MSRA: variants seen among roughly 807,000 people sequenced by gnomAD.
MSRA encodes mitochondrial peptide methionine sulfoxide reductase.
In MSRA, 54 loss-of-function variants were observed where a neutral mutation model predicts 31.3. The ratio of observed to expected loss-of-function variants is 1.73; its 90% CI spans 1.39 to 2.17. The LOEUF (loss-of-function observed/expected upper bound fraction) is 2.17. MSRA is among the 30% of genes most tolerant of loss of function. The pLI is 0.00. For synonymous variants in MSRA, 169 were observed against 116.5 expected, an observed-to-expected ratio of 1.45 and a Z score of -2.90; for missense variants, 507 against 300.9, an observed-to-expected ratio of 1.69 and a Z score of -5.07.
intron 3 of MSRA, among the ~76,000 whole-genome samples, chr8:10,256,315 G>C (rs972382669): frequency 2.0e-5 from 3 of 152,004 alleles, no homozygotes; most frequent in Non-Finnish European, 4.4e-5. Flanking sequence ...TTTCTTTTTA[G>C]CACTGAATAA....
intron 2 of MSRA, among the ~76,000 whole-genome samples, chr8:10,240,294 T>G (rs1365142382): frequency 2.0e-5 from 3 of 152,168 alleles, no homozygotes; most frequent in Admixed American, 2.0e-4. Flanking sequence ...TTTGGACATT[T>G]GGTGGTGGCA....
intron 5 of MSRA, among the ~76,000 whole-genome samples, chr8:10,327,006 G>A (rs1802400120): frequency 6.6e-6 from 1 of 152,088 alleles, no homozygotes; most frequent in Non-Finnish European, 1.5e-5. Flanking sequence ...CATTCTCCTG[G>A]CCATATGACC....
chr8:10,152,246 CATAT>C (rs1803748495), intron 1 of MSRA, among the ~76,000 whole-genome samples: 1 of 152,114 alleles, frequency 6.6e-6, no homozygotes, highest in Non-Finnish European at 1.5e-5. Context: ...TATCTAAAAA[CATAT>C]ATAAACACAT....
chr8:10,170,132 C>G (rs1477972301), intron 1 of MSRA, among the ~76,000 whole-genome samples: 2 of 150,808 alleles, frequency 1.3e-5, no homozygotes, highest in Non-Finnish European at 3.0e-5. Context: ...GTGATCTGCC[C>G]ACTTTGGCCT....
intron 1 of MSRA, among the ~76,000 whole-genome samples, chr8:10,099,960 T>C (rs2128932250): frequency 6.6e-6 from 1 of 152,182 alleles, no homozygotes; most frequent in East Asian, 1.9e-4. Context: ...GAGTTTAAAG[T>C]GTTTCTTTTG....
chr8:10,375,627 T>C (rs1044879517), intron 5 of MSRA, among the ~76,000 whole-genome samples: 1 of 152,154 alleles, frequency 6.6e-6, no homozygotes, highest in African/African-American at 2.4e-5. Flanking sequence ...TTCCTGGGCA[T>C]TGGCTTGTCC....
chr8:10,313,595 T>A (rs930157869), intron 4 of MSRA, among the ~76,000 whole-genome samples: 5 of 152,194 alleles, frequency 3.3e-5, no homozygotes, highest in African/African-American at 1.2e-4. Flanking sequence ...CTCCAAATTG[T>A]TTTATGAATT....
At chr8:10,411,161 C>T (rs192855026) in intron 5 of MSRA, 1 of 152,164 alleles carries the variant, frequency 6.6e-6, no homozygotes. Flanking sequence ...GGCCAGAGTC[C>T]TCCGAAGACG....
At chr8:10,374,740 G>A (rs1221015049) in intron 5 of MSRA, among the ~76,000 whole-genome samples, 8 of 152,290 alleles carry the variant, frequency 5.3e-5, no homozygotes, top group South Asian at 2.1e-4. Context: ...GGATTGACTT[G>A]TTGGATATGG....
chr8:10,209,841 T>G (rs186991551), intron 2 of MSRA, among the ~76,000 whole-genome samples: 1 of 152,336 alleles, frequency 6.6e-6, no homozygotes, highest in Non-Finnish European at 1.5e-5. Context: ...ATGAATCATG[T>G]GCATAATTTC....
intron 3 of MSRA, among the ~76,000 whole-genome samples, chr8:10,270,107 G>A (rs1055492019): frequency 6.6e-6 from 1 of 152,212 alleles, no homozygotes; most frequent in South Asian, 2.1e-4. Flanking sequence ...ATGTTTTCTT[G>A]TATGAACTGA....
chr8:10,142,438 G>T (rs1802797775), intron 1 of MSRA, among the ~76,000 whole-genome samples: 1 of 152,210 alleles, frequency 6.6e-6, no homozygotes, highest in Non-Finnish European at 1.5e-5. Context: ...TCCGTGTTCT[G>T]TCCTCTAGGC....
At chr8:10,144,000 G>A (rs1802925267) in intron 1 of MSRA, among the ~76,000 whole-genome samples, 2 of 152,268 alleles carry the variant, frequency 1.3e-5, no homozygotes, top group East Asian at 1.9e-4. Context: ...GAATCACAGA[G>A]CCTCGTGAGG....
At chr8:10,289,777 A>G (rs1800133724) in intron 3 of MSRA, among the ~76,000 whole-genome samples, 1 of 152,204 alleles carries the variant, frequency 6.6e-6, no homozygotes, top group Non-Finnish European at 1.5e-5. Context: ...ACGCTTGACA[A>G]CTTACCCAGA....
intron 1 of MSRA, among the ~76,000 whole-genome samples, chr8:10,189,374 C>T (rs1313299186): frequency 6.6e-6 from 1 of 152,114 alleles, no homozygotes; most frequent in Non-Finnish European, 1.5e-5. Flanking sequence ...TAGGACCTCA[C>T]TACAATGTCA....
chr8:10,055,496 C>A (rs560798974), intron 1 of MSRA, among the ~76,000 whole-genome samples: 3 of 152,220 alleles, frequency 2.0e-5, no homozygotes, highest in Non-Finnish European at 4.4e-5. Flanking sequence ...CCCCACCTGC[C>A]GCAGCAGCAG....
chr8:10,219,781 G>A (rs1056670419), intron 2 of MSRA, among the ~76,000 whole-genome samples: 10 of 115,398 alleles, frequency 8.7e-5, no homozygotes, highest in African/African-American at 3.5e-4. Context: ...ACTTCAGCCT[G>A]GACGACAGAT....
chr8:10,125,294 G>C (rs1323529389), intron 1 of MSRA, among the ~76,000 whole-genome samples: 1 of 152,196 alleles, frequency 6.6e-6, no homozygotes, highest in Admixed American at 6.5e-5. Flanking sequence ...TATGACTAAG[G>C]CTTGGGGAGT....
At chr8:10,185,066 A>G (rs1585118016) in intron 1 of MSRA, among the ~76,000 whole-genome samples, 1 of 152,184 alleles carries the variant, frequency 6.6e-6, no homozygotes, top group East Asian at 1.9e-4. Flanking sequence ...AAACATTCCC[A>G]ACATTTACCA....
Sources: allele counts gnomAD v4.1 joint callset (sites outside exome capture counted in the v4.1 genomes callset), GRCh38; gene constraint gnomAD v4.1.1; transcripts MANE v1.5; gene names NCBI Gene and HGNC (gene_info 2026-07-23, HGNC 2026-07-21).